Variants in ESRRB observed in about 807,000 individuals in gnomAD.
The protein encoded by ESRRB is estrogen related receptor beta.
A neutral mutation model predicts 46.0 loss-of-function variants in ESRRB; 16 were observed. That is an observed-to-expected ratio of 0.35 (90% CI 0.24 to 0.53). The LOEUF (loss-of-function observed/expected upper bound fraction) is 0.53, where lower values mean the gene tolerates loss of function less well. Ranked by LOEUF, ESRRB falls within the 20% of genes least tolerant of loss-of-function variation. The probability of loss-of-function intolerance (pLI) is 0.93; values close to 1 mark genes in which losing one functional copy is unlikely to be tolerated. For missense variants in ESRRB, 488 were observed against 607.4 expected, an observed-to-expected ratio of 0.80 and a Z score of 2.07; for synonymous variants, 246 against 259.6, an observed-to-expected ratio of 0.95 and a Z score of 0.50.
intron 1 of ESRRB, among the ~76,000 whole-genome samples, chr14:76,346,021 A>G (rs1292078352): frequency 6.6e-6 from 1 of 151,956 alleles, no homozygotes; most frequent in Non-Finnish European, 1.5e-5. Flanking sequence ...GGATCTGTCC[A>G]TGCCTCTCTC....
intron 6 of ESRRB, among the ~76,000 whole-genome samples, chr14:76,497,920 A>G (rs908499663): frequency 4.6e-5 from 7 of 151,674 alleles, no homozygotes; most frequent in African/African-American, 1.7e-4. Context: ...AAAATCACAC[A>G]GCCTGCAAGT....
intron 2 of ESRRB, among the ~76,000 whole-genome samples, chr14:76,452,568 C>G (rs1236236539): frequency 6.8e-6 from 1 of 148,100 alleles, no homozygotes; most frequent in Non-Finnish European, 1.5e-5. Context: ...TGTAGTGAGC[C>G]GAGATCAGGC....
intron 1 of ESRRB, among the ~76,000 whole-genome samples, chr14:76,313,177 T>G (rs144846682): frequency 2.6e-4 from 40 of 152,064 alleles, no homozygotes; most frequent in Non-Finnish European, 3.5e-4. Flanking sequence ...AAGTTCAGGG[T>G]GTGGTTTGGC....
intron 3 of ESRRB, among the ~76,000 whole-genome samples, chr14:76,464,689 GCTGT>G (rs1889032689): frequency 6.6e-6 from 1 of 152,158 alleles, no homozygotes; most frequent in Non-Finnish European, 1.5e-5. Flanking sequence ...CCGCAGAAAG[GCTGT>G]CTGTTGGTTC....
chr14:76,331,832 G>A (rs368245988), intron 1 of ESRRB, among the ~76,000 whole-genome samples: 2 of 151,756 alleles, frequency 1.3e-5, no homozygotes, highest in African/African-American at 2.4e-5. Context: ...GGGTGGCCAC[G>A]TGCCTGGCTT....
Position 76,498,699 on chromosome 14 carries a change from C to A in ESRRB, c.*241C>A. 7.2e-7 allele frequency: 1 copy of A among 1,384,074 alleles called. No individual in the cohort carries two copies. Among genetic ancestry groups the A allele is most frequent in the Non-Finnish European group, 1.0e-6 (1 of 989,520 alleles). The allele number at this position is 1,384,074 out of a possible 1,614,324, so 85.7% of individuals were successfully genotyped here. A position where few individuals can be genotyped will look rare whatever the true frequency, so the allele number is the denominator to read the frequency against. On this transcript the variant is annotated 3_prime_UTR_variant, in exon 7 of 7. Transcript: ENST00000644823. ...GTAACTGGCTTTTTCTTTGGTATGT[C>A]TTTCCTTCTCCATGGACGGTGCGGA...
intron 1 of ESRRB, among the ~76,000 whole-genome samples, chr14:76,409,426 C>G (rs191765822): frequency 1.3e-5 from 2 of 152,164 alleles, no homozygotes; most frequent in Non-Finnish European, 2.9e-5. Context: ...CTGCACCCCC[C>G]AGTCCCTCTC....
At chr14:76,410,908 C>T (rs951910174) in intron 1 of ESRRB, among the ~76,000 whole-genome samples, 2 of 151,852 alleles carry the variant, frequency 1.3e-5, no homozygotes, top group Non-Finnish European at 2.9e-5. Context: ...CTCAGCCTCC[C>T]GAGTAGCTGA....
intron 3 of ESRRB, among the ~76,000 whole-genome samples, chr14:76,480,698 G>A (rs1414021689): frequency 6.6e-6 from 1 of 152,194 alleles, no homozygotes; most frequent in African/African-American, 2.4e-5. Flanking sequence ...GGATGGACAA[G>A]GCTGGGACAG....
At chr14:76,348,989 A>T (rs915899353) in intron 1 of ESRRB, among the ~76,000 whole-genome samples, 1 of 152,204 alleles carries the variant, frequency 6.6e-6, no homozygotes, top group African/African-American at 2.4e-5. Context: ...CTCGTGAGTC[A>T]TCTCCAAGCA....
chr14:76,354,231 C>CT (rs938634957), intron 1 of ESRRB, among the ~76,000 whole-genome samples: 11 of 102,230 alleles, frequency 1.1e-4, no homozygotes, highest in Middle Eastern at 4.3e-3. Context: ...CCCGCCCCCC[C>CT]CCCCACCCAC....
intron 1 of ESRRB, among the ~76,000 whole-genome samples, chr14:76,396,416 G>A (rs1885684503): frequency 6.6e-6 from 1 of 152,092 alleles, no homozygotes; most frequent in East Asian, 1.9e-4. Context: ...GTAGGGAATG[G>A]GCTTAAGAAT....
At chr14:76,432,005 C>T (rs1414340494) in intron 1 of ESRRB, among the ~76,000 whole-genome samples, 1 of 152,226 alleles carries the variant, frequency 6.6e-6, no homozygotes, top group Non-Finnish European at 1.5e-5. Flanking sequence ...CTTGCTTCTT[C>T]CTCCTGCTGG....
chr14:76,417,084 C>G (rs1241843581), intron 1 of ESRRB, among the ~76,000 whole-genome samples: 2 of 152,076 alleles, frequency 1.3e-5, no homozygotes, highest in Admixed American at 1.3e-4. Flanking sequence ...CTGCAGTGAG[C>G]TGAGATCATG....
At chr14:76,458,460 ACAC>A (rs1888711976) in intron 2 of ESRRB, among the ~76,000 whole-genome samples, 2 of 82,580 alleles carry the variant, frequency 2.4e-5, no homozygotes, top group South Asian at 6.3e-4. Flanking sequence ...ACACACACAC[ACAC>A]ACACACAAAC....
intron 1 of ESRRB, among the ~76,000 whole-genome samples, chr14:76,436,489 C>T (rs1224370348): frequency 6.6e-6 from 1 of 152,180 alleles, no homozygotes; most frequent in East Asian, 1.9e-4. Flanking sequence ...TGTTGCTCAG[C>T]AGGGTTTTTC....
At chr14:76,338,102 A>G (rs1013552333) in intron 1 of ESRRB, among the ~76,000 whole-genome samples, 5 of 152,304 alleles carry the variant, frequency 3.3e-5, no homozygotes, top group Non-Finnish European at 7.4e-5. Context: ...AGGAGCTTCA[A>G]GGCGACTCCC....
chr14:76,331,238 G>A (rs950621204), intron 1 of ESRRB, among the ~76,000 whole-genome samples: 6 of 152,324 alleles, frequency 3.9e-5, no homozygotes, highest in Middle Eastern at 3.4e-3. Flanking sequence ...TGAGTTCTGG[G>A]CATTTCCCTG....
chr14:76,323,247 T>C (rs1883889078), intron 1 of ESRRB, among the ~76,000 whole-genome samples: 1 of 152,136 alleles, frequency 6.6e-6, no homozygotes, highest in Non-Finnish European at 1.5e-5. Context: ...GACATTTTTT[T>C]TCTATCTTGT....
Sources: allele counts gnomAD v4.1 joint callset (sites outside exome capture counted in the v4.1 genomes callset), GRCh38; gene constraint gnomAD v4.1.1; transcripts MANE v1.5; gene names NCBI Gene and HGNC (gene_info 2026-07-23, HGNC 2026-07-21).